The following CNTN4 variants were observed in gnomAD, a reference collection of about 807,000 sequenced individuals.
CNTN4 encodes contactin-4.
A neutral mutation model predicts 122.5 loss-of-function variants in CNTN4; 77 were observed. The observed-to-expected ratio is 0.63, with a 90% confidence interval of 0.52 to 0.76. The LOEUF (loss-of-function observed/expected upper bound fraction) is 0.76. Ranked by LOEUF, CNTN4 falls within the 30% of genes least tolerant of loss-of-function variation. The pLI is 0.00. For synonymous variants in CNTN4, 512 were observed against 447.0 expected (o/e 1.15, Z -1.83); for missense variants, 1,256 against 1,259.1 (o/e 1.00, Z 0.04).
intron 3 of CNTN4, among the ~76,000 whole-genome samples, chr3:2,402,545 T>A (rs577477828): frequency 6.6e-6 from 1 of 152,132 alleles, no homozygotes; most frequent in African/African-American, 2.4e-5. Flanking sequence ...CCTCCATTTA[T>A]CTGTATTAGG....
intron 4 of CNTN4, among the ~76,000 whole-genome samples, chr3:2,703,387 T>C (rs1431572965): frequency 6.6e-6 from 1 of 152,250 alleles, no homozygotes; most frequent in Non-Finnish European, 1.5e-5. Context: ...AAAATGTGTT[T>C]ATAGTTTTCA....
At chr3:2,119,760 C>T (rs185184680) in intron 2 of CNTN4, among the ~76,000 whole-genome samples, 4 of 150,792 alleles carry the variant, frequency 2.7e-5, no homozygotes, top group Admixed American at 2.6e-4. Flanking sequence ...AGCCGTAGGA[C>T]CAAGCTAGAT....
intron 12 of CNTN4, among the ~76,000 whole-genome samples, chr3:2,916,789 GC>G (rs995899122): frequency 1.2e-4 from 18 of 150,054 alleles, no homozygotes; most frequent in Admixed American, 5.3e-4. Flanking sequence ...GGGCAGAGGG[GC>G]CCCCCACCTC....
chr3:2,500,381 A>G (rs757068654), intron 3 of CNTN4, among the ~76,000 whole-genome samples: 17 of 152,004 alleles, frequency 1.1e-4, no homozygotes, highest in Non-Finnish European at 2.1e-4. Flanking sequence ...AGCTTCTAAG[A>G]TCATCATTCT....
At chr3:2,116,320 C>G (rs13062336) in intron 2 of CNTN4, among the ~76,000 whole-genome samples, 2 of 151,998 alleles carry the variant, frequency 1.3e-5, no homozygotes, top group Non-Finnish European at 2.9e-5. Context: ...CAGCTCCAAT[C>G]CATCATTCCT....
chr3:2,747,006 C>T (rs181374509), intron 6 of CNTN4, among the ~76,000 whole-genome samples: 23 of 150,564 alleles, frequency 1.5e-4, no homozygotes, highest in Admixed American at 7.3e-4. Flanking sequence ...TCTCAGAGTA[C>T]GGGAAAATCT....
At chr3:2,620,515 A>T (rs2081952645) in intron 4 of CNTN4, among the ~76,000 whole-genome samples, 1 of 152,026 alleles carries the variant, frequency 6.6e-6, no homozygotes, top group Non-Finnish European at 1.5e-5. Flanking sequence ...ATATATATAT[A>T]TATTTATTAA....
At chr3:2,639,337 C>T (rs138687747) in intron 4 of CNTN4, among the ~76,000 whole-genome samples, 1 of 152,146 alleles carries the variant, frequency 6.6e-6, no homozygotes, top group Admixed American at 6.6e-5. Flanking sequence ...GCCAGGCTTG[C>T]ACCTGCCATC....
chr3:2,820,965 T>C (rs1000847052), intron 7 of CNTN4, among the ~76,000 whole-genome samples: 1 of 142,532 alleles, frequency 7.0e-6, no homozygotes, highest in African/African-American at 2.6e-5. Flanking sequence ...CTCTTTCTTT[T>C]TTTTTTTTTT....
intron 3 of CNTN4, among the ~76,000 whole-genome samples, chr3:2,561,584 C>T (rs1014926714): frequency 5.3e-5 from 8 of 152,046 alleles, no homozygotes; most frequent in Non-Finnish European, 1.0e-4. Flanking sequence ...TTGTTTTTTC[C>T]AGCAAGTTTG....
chr3:2,223,691 C>T (rs1278513289), intron 2 of CNTN4, among the ~76,000 whole-genome samples: 1 of 152,172 alleles, frequency 6.6e-6, no homozygotes, highest in Non-Finnish European at 1.5e-5. Context: ...TAGAGTGGAT[C>T]ACCATGCCTA....
chr3:2,428,146 G>T (rs559059328), intron 3 of CNTN4, among the ~76,000 whole-genome samples: 1 of 152,302 alleles, frequency 6.6e-6, no homozygotes, highest in Non-Finnish European at 1.5e-5. Flanking sequence ...CTGAGTAGTT[G>T]ATGCAGTTTC....
intron 2 of CNTN4, among the ~76,000 whole-genome samples, chr3:2,253,878 T>C (rs1365299195): frequency 6.6e-6 from 1 of 152,172 alleles, no homozygotes; most frequent in Non-Finnish European, 1.5e-5. Context: ...CTTTCTGATT[T>C]TTTTTTAATT....
In CNTN4 at chr3:2,614,276, C is replaced by A. The variant is rs143819080; in HGVS notation, c.55+42718C>A. 1.5e-3 allele frequency among the ~76,000 whole-genome samples: 231 copies of A among 152,168 alleles called. 1 individual carries two copies. Among genetic ancestry groups the A allele is most frequent in the African/African-American group, 5.5e-3 (227 of 41,516 alleles). On this transcript the variant is annotated intron_variant, in intron 4 of 24. Transcript: ENST00000418658. ...GGTGGGAATAAGCTTGAAATGTAGC[C>A]AGCAAGTGGGAAAGAGGAAGATGAG...
chr3:2,592,978 A>G (rs2080571654), intron 4 of CNTN4, among the ~76,000 whole-genome samples: 1 of 152,210 alleles, frequency 6.6e-6, no homozygotes, highest in African/African-American at 2.4e-5. Context: ...GCAGTGTCAG[A>G]ATGGGAAGTC....
intron 2 of CNTN4, among the ~76,000 whole-genome samples, chr3:2,231,887 A>T (rs2039501038): frequency 6.6e-6 from 1 of 152,094 alleles, no homozygotes; most frequent in Admixed American, 6.5e-5. Flanking sequence ...ATTTTTTCTT[A>T]GCCTTTTAGG....
chr3:2,243,790 G>T (rs940914828), intron 2 of CNTN4, among the ~76,000 whole-genome samples: 1 of 152,022 alleles, frequency 6.6e-6, no homozygotes, highest in African/African-American at 2.4e-5. Flanking sequence ...ATGTAGAGAG[G>T]TCATTGTTCA....
chr3:2,756,568 C>G (rs1306929569), intron 6 of CNTN4, among the ~76,000 whole-genome samples: 3 of 152,306 alleles, frequency 2.0e-5, no homozygotes, highest in East Asian at 3.9e-4. Context: ...ATGTGTCTAC[C>G]TGGAAACTGT....
chr3:2,674,850 TG>T (rs1387485767), intron 4 of CNTN4, among the ~76,000 whole-genome samples: 1 of 152,164 alleles, frequency 6.6e-6, no homozygotes, highest in Non-Finnish European at 1.5e-5. Context: ...GCTGTGAATT[TG>T]GATCTGTTAA....
Sources: gnomAD v4.1 joint callset for allele counts (sites outside exome capture counted in the v4.1 genomes callset) on GRCh38, gnomAD v4.1.1 for gene constraint, MANE v1.5 for transcripts, NCBI Gene and HGNC (gene_info 2026-07-23, HGNC 2026-07-21) for gene names.